The following ZNF354B variants were observed in gnomAD, a reference collection of about 807,000 sequenced individuals.
ZNF354B encodes the protein zinc finger protein 354B.
A neutral mutation model predicts 12.9 loss-of-function variants in ZNF354B; 10 were observed. That is an observed-to-expected ratio of 0.77 (90% CI 0.48 to 1.31). ZNF354B has a LOEUF of 1.31. Ranked by LOEUF, ZNF354B falls within the 40% of genes most tolerant of loss-of-function variation. The pLI, the probability that ZNF354B is intolerant of heterozygous loss-of-function variation, is 0.00. For synonymous variants in ZNF354B, 260 were observed against 243.7 expected (o/e 1.07, Z -0.62); for missense variants, 614 against 711.7 (o/e 0.86, Z 1.56).
Position 178,883,536 on chromosome 5 carries a change from A to G in ZNF354B, c.1084A>G (p.Thr362Ala), listed in dbSNP as rs746206394. 8.7e-6 allele frequency: 14 copies of G among 1,614,018 alleles called. 1 individual carries two copies. In the Admixed American group the frequency reaches 2.3e-4, roughly 27 times the overall value. Residue 362 changes from threonine to alanine, a missense_variant, in exon 5 of 5, where the codon ACC becomes GCC. Thr to Ala is a moderately conservative substitution (Grantham distance 58). Coordinates refer to ENST00000322434, the MANE Select transcript of ZNF354B (RefSeq NM_058230.3). ...KSYLCNECGNTFKSSSSLRYH... is the reference protein window; with the variant it reads ...KSYLCNECGNAFKSSSSLRYH... ...CTACTTATGTAATGAATGTGGCAAC[A>G]CCTTTAAGTCTAGCTCATCCCTTCG... is the stretch of plus-strand genomic sequence containing the variant.
intron 4 of ZNF354B, among the ~76,000 whole-genome samples, chr5:178,876,275 C>A (rs75277017): frequency 2.0e-5 from 3 of 152,198 alleles, no homozygotes; most frequent in Non-Finnish European, 1.5e-5. Flanking sequence ...AATGGGGACC[C>A]GTGTGGGGAA....
At chr5:178,861,122 C>G (rs1757339313) in intron 2 of ZNF354B, 42 bp downstream of exon 2, 1 of 688,366 alleles carries the variant, frequency 1.5e-6, no homozygotes, top group Non-Finnish European at 2.6e-6. Context: ...ATGGATTTTC[C>G]CCACTAACTG....
Position 178,862,362 on chromosome 5 carries a change from C to CTTTTTTTT in ZNF354B, c.33+1297_33+1304dup, listed in dbSNP as rs769224561. Among the ~76,000 whole-genome samples, 23 of 105,588 alleles carry CTTTTTTTT rather than the reference C, an allele frequency of 2.2e-4. 1 individual carries two copies. The highest frequency in any genetic ancestry group is 6.3e-4 in the African/African-American group (16 of 25,364). 69.3% of individuals were successfully genotyped at this position (105,588 alleles called of 152,430 possible). On this transcript the variant is annotated intron_variant, in intron 2 of 4. Coordinates refer to ENST00000322434, the MANE Select transcript of ZNF354B (RefSeq NM_058230.3). The stretch of plus-strand genomic sequence containing the variant: ...GAGTGCTTCTGCAGCGTGGCATTAT[C>CTTTTTTTT]TTTTTTTTTTTTTTTTTTTTTTGAG...
intron 2 of ZNF354B, among the ~76,000 whole-genome samples, chr5:178,862,213 G>A (rs1160403813): frequency 2.6e-5 from 4 of 152,106 alleles, no homozygotes; most frequent in African/African-American, 9.7e-5. Context: ...GGAAACTGAG[G>A]CTCAGAAAAG....
intron 4 of ZNF354B, among the ~76,000 whole-genome samples, chr5:178,870,871 C>G (rs1014955928): frequency 6.6e-6 from 1 of 152,086 alleles, no homozygotes; most frequent in Non-Finnish European, 1.5e-5. Flanking sequence ...GCTGCCCAGG[C>G]TGTTCTTTGA....
At chr5:178,860,332 G>A (rs915786921) in intron 1 of ZNF354B, among the ~76,000 whole-genome samples, 5 of 151,922 alleles carry the variant, frequency 3.3e-5, no homozygotes, top group African/African-American at 1.2e-4. Flanking sequence ...CGCGCCGCCC[G>A]CCGTGAACGC....
Position 178,867,003 on chromosome 5 carries a change from T to A in ZNF354B, c.188T>A (p.Ile63Asn). Residue 63 changes from isoleucine to asparagine, a missense_variant, in exon 4 of 5, where the codon ATC (isoleucine) becomes AAC (asparagine). By Grantham distance (149) the Ile-to-Asn change is moderately radical. Transcript: ENST00000322434. ...CTCTCATTTACCAAACCAAAAGTCA[T>A]CTCCCTGTTGCAGCAAGGAGAAGAT... ...LGLSFTKPKV[I>N]SLLQQGEDPW... The A allele has an allele frequency of 6.2e-7, 1 of 1,614,068 alleles. No individual in the cohort carries two copies. The highest frequency in any genetic ancestry group is 8.5e-7 in the Non-Finnish European group (1 of 1,179,960).
intron 2 of ZNF354B, among the ~76,000 whole-genome samples, chr5:178,864,492 G>A (rs1411587889): frequency 3.9e-5 from 6 of 151,946 alleles, no homozygotes; most frequent in Admixed American, 3.9e-4. Context: ...TCGTTAATGC[G>A]ACACACGACT....
At chr5:178,865,914 AC>A (rs1418167747) in intron 2 of ZNF354B, among the ~76,000 whole-genome samples, 2 of 152,086 alleles carry the variant, frequency 1.3e-5, no homozygotes, top group East Asian at 3.9e-4. Flanking sequence ...ACTGTTTCTT[AC>A]AGTAATTGGT....
chr5:178,862,618 A>G (rs1757377058), intron 2 of ZNF354B, among the ~76,000 whole-genome samples: 1 of 152,086 alleles, frequency 6.6e-6, no homozygotes, highest in Non-Finnish European at 1.5e-5. Flanking sequence ...TCCACCAGCC[A>G]CAGCCTCCCG....
intron 4 of ZNF354B, among the ~76,000 whole-genome samples, chr5:178,881,946 T>C (rs1032132684): frequency 3.9e-5 from 6 of 152,260 alleles, no homozygotes; most frequent in Non-Finnish European, 1.5e-5. Flanking sequence ...TTGATTTATA[T>C]TGCCTGATTG....
Position 178,884,160 on chromosome 5 carries a change from A to G in ZNF354B, c.1708A>G (p.Arg570Gly). ...RQSSSLIAHQ[R>G]IHTGEKPYEC... ...AAGCTCATCACTTATTGCACATCAA[A>G]GAATTCATACTGGAGAGAAACCCTA... Residue 570 changes from arginine to glycine, a missense_variant, in exon 5 of 5, where the codon AGA becomes GGA. Arg to Gly is a moderately radical substitution (Grantham distance 125, BLOSUM62 -2). Coordinates refer to ENST00000322434, the MANE Select transcript of ZNF354B (RefSeq NM_058230.3). 6.2e-7 allele frequency: 1 copy of G among 1,614,092 alleles called. No homozygotes were observed. The highest frequency in any genetic ancestry group is 8.5e-7 in the Non-Finnish European group (1 of 1,179,970).
At chr5:178,876,935 T>G (rs889416768) in intron 4 of ZNF354B, among the ~76,000 whole-genome samples, 1 of 151,892 alleles carries the variant, frequency 6.6e-6, no homozygotes, top group Non-Finnish European at 1.5e-5. Flanking sequence ...GCCTTTTTTT[T>G]TTTTTGTCTT....
chr5:178,860,426 G>A (rs1290399925), intron 1 of ZNF354B, among the ~76,000 whole-genome samples: 13 of 152,106 alleles, frequency 8.5e-5, no homozygotes, highest in Non-Finnish European at 1.8e-4. Flanking sequence ...CCGAGCGCAG[G>A]GCAGAGGCAG....
rs985559288 is a variant in ZNF354B, at chr5:178,884,374, C to G, written c.*83C>G. On this transcript the variant is annotated 3_prime_UTR_variant, in exon 5 of 5. Transcript: ENST00000322434. ...AATGAATATGAGAAAACTCTTAGTT[C>G]TCATCAGATACTAAGTTTTAAGAAT... 21 of 1,378,914 alleles carry G rather than the reference C, an allele frequency of 1.5e-5. 2 individuals are homozygous for G. Among genetic ancestry groups the G allele is most frequent in the East Asian group, 4.7e-5 (2 of 42,394 alleles). 85.4% of individuals were successfully genotyped at this position (1,378,914 alleles called of 1,614,324 possible).
Position 178,883,100 on chromosome 5 carries a change from C to G in ZNF354B, c.648C>G (p.Cys216Trp). ...AAACAGCAGAGAAACGCTATAAATG[C>G]AGTACATGTGAAAAAGCCTTCATTC... ...KIKTAEKRYK[C>W]STCEKAFIHN... Residue 216 changes from cysteine to tryptophan, a missense_variant, in exon 5 of 5, where the codon TGC (cysteine) becomes TGG (tryptophan). Coordinates refer to ENST00000322434, the MANE Select transcript of ZNF354B (RefSeq NM_058230.3). The G allele has an allele frequency of 6.2e-7, 1 of 1,610,382 alleles. No individual in the cohort carries two copies. Among genetic ancestry groups the G allele is most frequent in the Non-Finnish European group, 8.5e-7 (1 of 1,179,176 alleles).
intron 2 of ZNF354B, among the ~76,000 whole-genome samples, chr5:178,865,443 A>G (rs1044459368): frequency 1.3e-5 from 2 of 151,660 alleles, no homozygotes; most frequent in African/African-American, 4.8e-5. Context: ...AATTTTTGTT[A>G]TTTTTAGTAG....
chr5:178,869,061 C>T (rs1231465389), intron 4 of ZNF354B, among the ~76,000 whole-genome samples: 2 of 151,894 alleles, frequency 1.3e-5, no homozygotes, highest in South Asian at 2.1e-4. Context: ...AAGAGAGCCG[C>T]GGGCCTTGTC....
In ZNF354B at chr5:178,883,571, G is replaced by A. The variant is rs766334020; in HGVS notation, c.1119G>A (p.Gln373=). The A allele has an allele frequency of 6.2e-7, 1 of 1,614,002 alleles. No individual in the cohort carries two copies. The highest frequency in any genetic ancestry group is 1.7e-5 in the Admixed American group (1 of 60,012). Residue 373 remains glutamine, a synonymous_variant, in exon 5 of 5, where the codon CAG becomes CAA. Coordinates refer to ENST00000322434, the MANE Select transcript of ZNF354B (RefSeq NM_058230.3). ...FKSSSSLRYH[Q]RIHTGEKPFK... ...CTAGCTCATCCCTTCGTTATCATCAGAGAATTCACACTGGAGAGAAGCCTT... is the reference window on the plus strand; with the variant it reads ...CTAGCTCATCCCTTCGTTATCATCAAAGAATTCACACTGGAGAGAAGCCTT...
Sources: allele counts gnomAD v4.1 joint callset (sites outside exome capture counted in the v4.1 genomes callset), GRCh38; gene constraint gnomAD v4.1.1; transcripts MANE v1.5; gene names NCBI Gene and HGNC (gene_info 2026-07-23, HGNC 2026-07-21).